NKAIN3: variants seen among roughly 807,000 people sequenced by gnomAD.
The protein encoded by NKAIN3 is sodium/potassium transporting ATPase interacting 3.
In NKAIN3, 25 loss-of-function variants were observed where a neutral mutation model predicts 30.2. The observed-to-expected ratio is 0.83, with a 90% confidence interval of 0.60 to 1.16. NKAIN3 has a LOEUF of 1.16. NKAIN3 is among the 50% of genes most tolerant of loss of function. NKAIN3 has a pLI of 0.00. For missense variants in NKAIN3, 225 were observed against 254.1 expected (o/e 0.89, Z 0.78); for synonymous variants, 91 against 89.6 (o/e 1.02, Z -0.09).
intron 4 of NKAIN3, among the ~76,000 whole-genome samples, chr8:62,795,236 C>T (rs1817825217): frequency 1.3e-5 from 2 of 152,160 alleles, no homozygotes; most frequent in South Asian, 2.1e-4. Context: ...ATTTTCTTCT[C>T]TTACAAATGT....
chr8:62,700,021 T>TGG (rs1659711862), intron 3 of NKAIN3, among the ~76,000 whole-genome samples: 1 of 152,124 alleles, frequency 6.6e-6, no homozygotes, highest in Non-Finnish European at 1.5e-5. Flanking sequence ...TCCCAGCTAC[T>TGG]GGGTAAGCTA....
intron 5 of NKAIN3, among the ~76,000 whole-genome samples, chr8:62,995,574 G>T (rs1221600781): frequency 2.6e-5 from 4 of 152,138 alleles, no homozygotes; most frequent in Admixed American, 2.6e-4. Flanking sequence ...TATCATAAAT[G>T]TCATAGAGAT....
At chr8:62,896,408 G>T (rs1459655787) in intron 4 of NKAIN3, among the ~76,000 whole-genome samples, 2 of 152,036 alleles carry the variant, frequency 1.3e-5, no homozygotes, top group African/African-American at 4.8e-5. Flanking sequence ...CATAACACTT[G>T]GCTATTTACA....
chr8:62,884,844 G>A (rs1005782623), intron 4 of NKAIN3, among the ~76,000 whole-genome samples: 2 of 152,008 alleles, frequency 1.3e-5, no homozygotes, highest in African/African-American at 4.8e-5. Flanking sequence ...TTTGATGTTA[G>A]TAATTTGTGT....
Position 62,514,241 on chromosome 8 carries a change from A to G in NKAIN3, c.55-65298A>G, listed in dbSNP as rs1028069848. On this transcript the variant is annotated intron_variant, in intron 1 of 6. Coordinates refer to ENST00000623646, the MANE Select transcript of NKAIN3 (RefSeq NM_001304533.3). ...TCAGCATCAGAGTATGCACTCAGAC[A>G]TTCTAGATGTGAGCTATAGATACTC... Among the ~76,000 whole-genome samples, 4 of 152,112 alleles carry G rather than the reference A, an allele frequency of 2.6e-5. No individual in the cohort carries two copies. In the South Asian group the frequency reaches 8.3e-4, roughly 32 times the overall value.
At chr8:62,363,107 T>C (rs567364136) in intron 1 of NKAIN3, among the ~76,000 whole-genome samples, 1 of 152,328 alleles carries the variant, frequency 6.6e-6, no homozygotes, top group South Asian at 2.1e-4. Context: ...GCTGTAACAG[T>C]ATGACTAGTA....
At position 62,480,254 on chromosome 8, in the gene NKAIN3, A is replaced by G. The variant is rs1443487467; in HGVS notation, c.55-99285A>G. On this transcript the variant is annotated intron_variant, in intron 1 of 6. Transcript: ENST00000623646. Reference sequence around the variant, plus strand: ...CACATACACCTGAGATCATCTGAGTAGATCTCACATGTTCTCACCACACAC... The same window carrying G: ...CACATACACCTGAGATCATCTGAGTGGATCTCACATGTTCTCACCACACAC... Among the ~76,000 whole-genome samples, 7 of 152,230 alleles carry G rather than the reference A, an allele frequency of 4.6e-5. No homozygotes were observed. In the South Asian group the frequency reaches 1.5e-3, roughly 32 times the overall value.
chr8:62,541,693 AT>A (rs533835829), intron 1 of NKAIN3, among the ~76,000 whole-genome samples: 8 of 150,894 alleles, frequency 5.3e-5, no homozygotes, highest in African/African-American at 1.2e-4. Flanking sequence ...AATTTATCTT[AT>A]TTTTTTCATC....
At chr8:62,291,180 A>G (rs1184804330) in intron 1 of NKAIN3, among the ~76,000 whole-genome samples, 1 of 152,022 alleles carries the variant, frequency 6.6e-6, no homozygotes, top group Non-Finnish European at 1.5e-5. Context: ...TGATCTTTTC[A>G]AAAAACCAGC....
At chr8:62,886,523 G>T (rs1821153073) in intron 4 of NKAIN3, among the ~76,000 whole-genome samples, 1 of 151,930 alleles carries the variant, frequency 6.6e-6, no homozygotes, top group African/African-American at 2.4e-5. Flanking sequence ...GCTCTCTAAA[G>T]AATTTCTTGT....
chr8:62,585,301 T>A (rs541683318), intron 2 of NKAIN3, among the ~76,000 whole-genome samples: 1 of 152,300 alleles, frequency 6.6e-6, no homozygotes, highest in East Asian at 1.9e-4. Context: ...AATCACAGAA[T>A]CAAAGATCAA....
At chr8:62,887,392 T>C (rs984297328) in intron 4 of NKAIN3, among the ~76,000 whole-genome samples, 11 of 152,130 alleles carry the variant, frequency 7.2e-5, no homozygotes, top group Admixed American at 5.2e-4. Flanking sequence ...CTTGGATCTG[T>C]GGGTTGATAT....
At chr8:62,529,652 A>G (rs774921838) in intron 1 of NKAIN3, among the ~76,000 whole-genome samples, 4 of 152,138 alleles carry the variant, frequency 2.6e-5, no homozygotes, top group Non-Finnish European at 5.9e-5. Context: ...TGTCAGTGCC[A>G]TGATCTTGGA....
rs1448037003 is a variant in NKAIN3 at position 62,418,879 on chromosome 8, C to A, written c.55-160660C>A. Among the ~76,000 whole-genome samples, 2 of 152,150 alleles carry A rather than the reference C, an allele frequency of 1.3e-5. 1 individual carries two copies. The highest frequency in any genetic ancestry group is 2.9e-5 in the Non-Finnish European group (2 of 68,030). On this transcript the variant is annotated intron_variant, in intron 1 of 6. Coordinates refer to ENST00000623646, the MANE Select transcript of NKAIN3 (RefSeq NM_001304533.3). ...CATAGATCCGCTGGCATGAAAAGTA[C>A]TGTATGAACCAGGGAAGGTTGTAGC...
chr8:62,379,594 T>A (rs1205602505), intron 1 of NKAIN3, among the ~76,000 whole-genome samples: 1 of 152,172 alleles, frequency 6.6e-6, no homozygotes, highest in Non-Finnish European at 1.5e-5. Context: ...GATCTGATGG[T>A]TTTATGAGTC....
chr8:62,566,479 T>TTAAA (rs2129999345), intron 1 of NKAIN3, among the ~76,000 whole-genome samples: 1 of 152,234 alleles, frequency 6.6e-6, no homozygotes, highest in South Asian at 2.1e-4. Flanking sequence ...AATTAATTAA[T>TTAAA]GGCTTTATAT....
chr8:62,613,658 TC>T (rs1811358441), intron 3 of NKAIN3, among the ~76,000 whole-genome samples: 1 of 152,120 alleles, frequency 6.6e-6, no homozygotes, highest in South Asian at 2.1e-4. Flanking sequence ...ACTTAGATTT[TC>T]CCTTTTGAGG....
Position 62,661,315 on chromosome 8 carries a change from C to A in NKAIN3, c.273+71521C>A, listed in dbSNP as rs531040546. On this transcript the variant is annotated intron_variant, in intron 3 of 6. Coordinates refer to ENST00000623646, the MANE Select transcript of NKAIN3 (RefSeq NM_001304533.3). Reference sequence around the variant, plus strand: ...ACTTTTCTGTCTGTGCCACAGGCCACCTGCTTGTTTCCTCCTGAAACTTCT... The same window carrying A: ...ACTTTTCTGTCTGTGCCACAGGCCAACTGCTTGTTTCCTCCTGAAACTTCT... 1.1e-4 allele frequency among the ~76,000 whole-genome samples: 16 copies of A among 152,272 alleles called. No individual in the cohort carries two copies. In the East Asian group the frequency reaches 2.5e-3, roughly 24 times the overall value.
intron 1 of NKAIN3, among the ~76,000 whole-genome samples, chr8:62,522,391 G>T (rs1340647074): frequency 6.6e-6 from 1 of 152,078 alleles, no homozygotes; most frequent in Non-Finnish European, 1.5e-5. Flanking sequence ...GATAATGATA[G>T]TACATGACTA....
Sources: allele counts gnomAD v4.1 joint callset (sites outside exome capture counted in the v4.1 genomes callset), GRCh38; gene constraint gnomAD v4.1.1; transcripts MANE v1.5; gene names NCBI Gene and HGNC (gene_info 2026-07-23, HGNC 2026-07-21).